STRAP: variants seen among roughly 807,000 people sequenced by gnomAD.
STRAP encodes serine-threonine kinase receptor-associated protein.
Under a neutral mutation model 47.0 loss-of-function variants are expected in STRAP, and 16 were observed. The ratio of observed to expected loss-of-function variants is 0.34; its 90% confidence interval spans 0.23 to 0.52. The LOEUF is 0.52. Among genes scored for constraint, STRAP ranks in the 20% least tolerant of loss-of-function variants. The pLI is 0.96. For missense variants in STRAP, 293 were observed against 420.0 expected (o/e 0.70, Z 2.64); for synonymous variants, 130 against 142.7 (o/e 0.91, Z 0.63).
chr12:15,891,710 A>G (rs1163669429), intron 4 of STRAP, among the ~76,000 whole-genome samples: 2 of 152,234 alleles, frequency 1.3e-5, no homozygotes, highest in Admixed American at 6.5e-5. Flanking sequence ...TGGGAGGCCA[A>G]GGTGAGTGGA....
intron 1 of STRAP, 78 bp downstream of exon 1, chr12:15,882,897 G>C: frequency 6.8e-7 from 1 of 1,469,826 alleles, no homozygotes; most frequent in Non-Finnish European, 9.3e-7. Flanking sequence ...CTCCAGTGCC[G>C]AAGCGGTGGT....
chr12:15,891,874 A>C (rs1485454789), intron 4 of STRAP, among the ~76,000 whole-genome samples: 1 of 151,840 alleles, frequency 6.6e-6, no homozygotes, highest in Non-Finnish European at 1.5e-5. Context: ...TGAACCCGGG[A>C]GGTAGAGGTT....
At chr12:15,888,829 G>T (rs1274322275) in intron 2 of STRAP, among the ~76,000 whole-genome samples, 1 of 151,950 alleles carries the variant, frequency 6.6e-6, no homozygotes, top group Non-Finnish European at 1.5e-5. Context: ...CTACTGTGGG[G>T]TATTTTTTGT....
rs1182578320 is a variant in STRAP at position 15,894,710 on chromosome 12, T to C, written c.500+567T>C. Among the ~76,000 whole-genome samples the C allele has an allele frequency of 2.0e-5, 3 of 152,196 alleles. No individual in the cohort carries two copies. Among genetic ancestry groups the C allele is most frequent in the Non-Finnish European group, 4.4e-5 (3 of 68,026 alleles). On this transcript the variant is annotated intron_variant, in intron 5 of 9. Coordinates refer to ENST00000419869, the MANE Select transcript of STRAP (RefSeq NM_007178.4). This position sits in a 1 kb window ranked among gnomAD's most constrained non-coding sequence, Gnocchi z 4.9. The stretch of plus-strand genomic sequence containing the variant: ...TTAAAGGAAATGCTCATTGGAGCAT[T>C]TTGAATTTCCTATTTTCAGGTTAGG...
At chr12:15,889,139 T>A (rs1423437900) in intron 2 of STRAP, among the ~76,000 whole-genome samples, 2 of 152,126 alleles carry the variant, frequency 1.3e-5, no homozygotes, top group Non-Finnish European at 2.9e-5. Flanking sequence ...TCCTTAAGCT[T>A]TTTTATTTGG....
chr12:15,883,762 A>T, intron 2 of STRAP, 86 bp downstream of exon 2: 1 of 1,522,358 alleles, frequency 6.6e-7, no homozygotes, highest in Non-Finnish European at 8.9e-7. Flanking sequence ...AGATATTCAT[A>T]AAATTCTGAC....
Position 15,882,778 on chromosome 12 carries a change from G to A in STRAP, c.71G>A (p.Gly24Asp), listed in dbSNP as rs144566765. The A allele has an allele frequency of 3.3e-3, 5,320 of 1,613,674 alleles. 8 individuals carry two copies. The highest frequency in any genetic ancestry group is 6.1e-3 in the Middle Eastern group (37 of 6,062). ...CCCGTGGTTGATTTGGCCTTCAGTG[G>A]CATCACGCCTTATGGGTATTTCTTA... ...TRPVVDLAFS[G>D]ITPYGYFLIS... The change falls in exon 1 of 10, where the codon GGC becomes GAC. Residue 24 changes from glycine (G) to aspartate (D), a missense_variant. This residue lies in a region of STRAP where 31 missense variants were observed against 39.2 expected (regional missense o/e 0.79). Transcript: ENST00000419869.
chr12:15,882,549 T>A lies in STRAP; in HGVS notation c.-159T>A. 9.1e-5 allele frequency: 38 copies of A among 418,380 alleles called. No individual in the cohort carries two copies. The highest frequency in any genetic ancestry group is 1.8e-4 in the East Asian group (3 of 16,768). The allele number at this position is 418,380 out of a possible 1,614,324, so 25.9% of individuals were successfully genotyped here. A position where few individuals can be genotyped will look rare whatever the true frequency, so the allele number is the denominator to read the frequency against. The stretch of plus-strand genomic sequence containing the variant: ...CCCTGACCCCTCCCTCACCCCTCCC[T>A]AACCTCGGTGCCACCGGATTGCCCT... On this transcript the variant is annotated 5_prime_UTR_variant, in exon 1 of 10. Transcript: ENST00000419869.
At chr12:15,884,361 C>T (rs1208654341) in intron 2 of STRAP, among the ~76,000 whole-genome samples, 1 of 152,130 alleles carries the variant, frequency 6.6e-6, no homozygotes, top group Non-Finnish European at 1.5e-5. Context: ...TAAAAACATA[C>T]TTGATCATGT....
chr12:15,884,844 T>C (rs545186564), intron 2 of STRAP, among the ~76,000 whole-genome samples: 1 of 152,324 alleles, frequency 6.6e-6, no homozygotes, highest in Admixed American at 6.5e-5. Context: ...TTGTTGGCCC[T>C]TTACAGTTTG....
At position 15,887,051 on chromosome 12, in the gene STRAP, ATCAC is replaced by A. The variant is rs1947978184; in HGVS notation, c.249-2874_249-2871del. On this transcript the variant is annotated intron_variant, in intron 2 of 9. Transcript: ENST00000419869. This position sits in a 1 kb window ranked among gnomAD's most constrained non-coding sequence, Gnocchi z 5.5. ...AGGAATTTATAGGTAATCACAATGT[ATCAC>A]TCTTTCTTTCTTGTAAAGCCAATAG... 6.6e-6 allele frequency among the ~76,000 whole-genome samples: 1 copy of A among 152,078 alleles called. No individual in the cohort carries two copies. Among genetic ancestry groups the A allele is most frequent in the Non-Finnish European group, 1.5e-5 (1 of 68,042 alleles).
rs2417508 is a variant in STRAP at position 15,900,315 on chromosome 12, G to A, written c.925+262G>A. On this transcript the variant is annotated intron_variant, in intron 8 of 9. Transcript: ENST00000419869. ...GGGAGGCTGAGGCGGGCGGATCACA[G>A]GGTCAGGAGTTCGAGACCAGCCTGG... Among the ~76,000 whole-genome samples the A allele has an allele frequency of 1, 151,702 of 151,724 alleles. 75,840 individuals are homozygous for A. The highest frequency in any genetic ancestry group is 1 in the Middle Eastern group (294 of 294).
At chr12:15,889,793 A>C in intron 2 of STRAP, 135 bp from the exon 3 acceptor site, 1 of 624,720 alleles carries the variant, frequency 1.6e-6, no homozygotes, top group South Asian at 2.6e-5. Context: ...TTAGAGATAA[A>C]GGAGATTTAT....
chr12:15,898,974 T>C (rs16911405), intron 7 of STRAP, among the ~76,000 whole-genome samples: 13,475 of 152,280 alleles, frequency 0.088, 1,971 homozygotes, highest in African/African-American at 0.3. Context: ...TATGGTTCAG[T>C]TTTTATTACT....
intron 2 of STRAP, among the ~76,000 whole-genome samples, chr12:15,889,449 G>A (rs1444416012): frequency 2.0e-5 from 3 of 151,766 alleles, no homozygotes; most frequent in African/African-American, 7.3e-5. Context: ...CTGTACCAAG[G>A]CTTTTCATTC....
chr12:15,886,739 G>A (rs1424343649), intron 2 of STRAP, among the ~76,000 whole-genome samples: 1 of 152,102 alleles, frequency 6.6e-6, no homozygotes, highest in African/African-American at 2.4e-5. Context: ...AGCATTTTTA[G>A]AAACAATTTT....
At chr12:15,901,124 A>G in intron 9 of STRAP, 112 bp downstream of exon 9, 2 of 726,508 alleles carry the variant, frequency 2.8e-6, no homozygotes, top group South Asian at 6.4e-5. Context: ...ACATATTTAA[A>G]TAATGGAAAC....
intron 7 of STRAP, among the ~76,000 whole-genome samples, chr12:15,898,787 C>T (rs1565577124): frequency 6.6e-6 from 1 of 152,036 alleles, no homozygotes; most frequent in Non-Finnish European, 1.5e-5. Flanking sequence ...TATAAGCTGT[C>T]TCTTCTTGTT....
Position 15,889,988 on chromosome 12 carries a change from C to G in STRAP, c.309C>G (p.Val103=). ...TGACCCTGGCTCATAAACACATTGTCAAGACTGTGGATTTCACGCAGGTAT... is the reference window on the plus strand; with the variant it reads ...TGACCCTGGCTCATAAACACATTGTGAAGACTGTGGATTTCACGCAGGTAT... ...ELMTLAHKHI[V]KTVDFTQDSN... Residue 103 remains valine (V), a synonymous_variant, in exon 3 of 10, where the codon GTC becomes GTG. Coordinates refer to ENST00000419869, the MANE Select transcript of STRAP (RefSeq NM_007178.4). 2 of 1,613,610 alleles carry G rather than the reference C, an allele frequency of 1.2e-6. No individual in the cohort carries two copies. The highest frequency in any genetic ancestry group is 1.7e-6 in the Non-Finnish European group (2 of 1,179,718).
Sources: allele counts gnomAD v4.1 joint callset (sites outside exome capture counted in the v4.1 genomes callset), GRCh38; gene constraint gnomAD v4.1.1; regional missense constraint gnomAD v4.1.1; non-coding constraint Gnocchi (gnomAD v3.1); transcripts MANE v1.5; gene names NCBI Gene and HGNC (gene_info 2026-07-23, HGNC 2026-07-21).